ARL13B: variants seen among roughly 807,000 people sequenced by gnomAD.
ARL13B encodes the protein ARF like GTPase 13B, also known as ADP-ribosylation factor-like protein 13B.
ARL13B carries 36 observed loss-of-function variants against 56.1 expected under a neutral mutation model. That is an observed-to-expected ratio of 0.64 (90% confidence interval 0.49 to 0.85). ARL13B has a LOEUF of 0.85. Among genes scored for constraint, ARL13B ranks in the 40% least tolerant of loss-of-function variants. The probability of loss-of-function intolerance (pLI) is 0.00; values close to 1 mark genes in which losing one functional copy is unlikely to be tolerated. For missense variants in ARL13B, 519 were observed against 507.1 expected (o/e 1.02, Z -0.23); for synonymous variants, 178 against 171.1 (o/e 1.04, Z -0.32).
intron 5 of ARL13B, among the ~76,000 whole-genome samples, chr3:94,038,357 C>CT (rs1423774534): frequency 6.6e-6 from 1 of 151,972 alleles, no homozygotes; most frequent in Non-Finnish European, 1.5e-5. Context: ...TCTTGGCTTC[C>CT]TAGGTTCATA....
intron 3 of ARL13B, among the ~76,000 whole-genome samples, chr3:94,005,723 A>G (rs2076122541): frequency 1.3e-5 from 2 of 152,216 alleles, no homozygotes; most frequent in South Asian, 4.1e-4. Flanking sequence ...TGGGATTTTT[A>G]CAATCAGAAT....
At chr3:94,019,246 G>A (rs2076398092) in intron 3 of ARL13B, among the ~76,000 whole-genome samples, 1 of 151,164 alleles carries the variant, frequency 6.6e-6, no homozygotes, top group African/African-American at 2.4e-5. Context: ...GCCTAGGCTG[G>A]AGTGCAGTGG....
chr3:94,007,346 T>C (rs180773010), intron 3 of ARL13B, among the ~76,000 whole-genome samples: 71 of 152,336 alleles, frequency 4.7e-4, no homozygotes, highest in Non-Finnish European at 1.3e-4. Flanking sequence ...AATCTTTAGT[T>C]CTTCTCTACT....
intron 3 of ARL13B, among the ~76,000 whole-genome samples, chr3:94,010,902 C>A (rs1375135992): frequency 6.6e-6 from 1 of 151,950 alleles, no homozygotes; most frequent in Non-Finnish European, 1.5e-5. Context: ...GTAACAATTA[C>A]AAACAGGTAT....
chr3:94,004,873 C>T (rs2076108033), intron 3 of ARL13B, among the ~76,000 whole-genome samples: 1 of 151,906 alleles, frequency 6.6e-6, no homozygotes, highest in South Asian at 2.1e-4. Flanking sequence ...TAAAGGAGAA[C>T]TTTTAACAGG....
intron 3 of ARL13B, among the ~76,000 whole-genome samples, chr3:94,025,338 T>C (rs1399506007): frequency 2.0e-5 from 3 of 152,218 alleles, no homozygotes; most frequent in Admixed American, 2.0e-4. Context: ...TTCCTTTCAG[T>C]GTTATACATC....
At chr3:94,011,639 A>G (rs562346831) in intron 3 of ARL13B, among the ~76,000 whole-genome samples, 1 of 152,182 alleles carries the variant, frequency 6.6e-6, no homozygotes, top group African/African-American at 2.4e-5. Context: ...TTTGTGCTTC[A>G]TACTCCACTT....
chr3:94,049,594 A>C (rs1454791783), intron 8 of ARL13B, 72 bp downstream of exon 8: 36 of 1,129,742 alleles, frequency 3.2e-5, no homozygotes, highest in South Asian at 1.1e-4. Context: ...AAAAGAAAAA[A>C]GGAATCTTGT....
At chr3:94,016,594 T>C (rs2076337724) in intron 3 of ARL13B, among the ~76,000 whole-genome samples, 1 of 152,092 alleles carries the variant, frequency 6.6e-6, no homozygotes, top group South Asian at 2.1e-4. Flanking sequence ...TAGAAGACCC[T>C]TGGGTTCACA....
At chr3:94,049,280 T>C in intron 7 of ARL13B, 126 bp from the exon 8 acceptor site, 1 of 553,854 alleles carries the variant, frequency 1.8e-6, no homozygotes, top group East Asian at 3.0e-5. Context: ...TGTAACAATT[T>C]CCAAAGTTAA....
chr3:94,011,913 A>G (rs909565981), intron 3 of ARL13B, among the ~76,000 whole-genome samples: 3 of 152,184 alleles, frequency 2.0e-5, no homozygotes, highest in South Asian at 2.1e-4. Flanking sequence ...TTCTGTTTCT[A>G]TAATTCCTTG....
chr3:94,016,944 C>T (rs1370722762), intron 3 of ARL13B, among the ~76,000 whole-genome samples: 1 of 152,124 alleles, frequency 6.6e-6, no homozygotes, highest in Non-Finnish European at 1.5e-5. Flanking sequence ...CGCTCCCAGC[C>T]TAATTAAGCT....
intron 3 of ARL13B, among the ~76,000 whole-genome samples, chr3:94,029,343 T>TA (rs1482846849): frequency 3.9e-5 from 4 of 103,528 alleles, no homozygotes; most frequent in Non-Finnish European, 7.4e-5. Flanking sequence ...TATTTATTTT[T>TA]TTTTTATTTT....
intron 2 of ARL13B, among the ~76,000 whole-genome samples, chr3:94,001,908 G>A (rs946704326): frequency 6.6e-6 from 1 of 152,096 alleles, no homozygotes; most frequent in African/African-American, 2.4e-5. Flanking sequence ...CCTATTTCTG[G>A]AAAATCATTC....
chr3:94,050,191 G>C (rs1469938224), intron 8 of ARL13B, among the ~76,000 whole-genome samples: 1 of 150,500 alleles, frequency 6.6e-6, no homozygotes, highest in African/African-American at 2.4e-5. Flanking sequence ...AAAAAAATTG[G>C]ACCTTTCATC....
chr3:93,999,917 T>C (rs2076025956), intron 2 of ARL13B, among the ~76,000 whole-genome samples: 1 of 152,204 alleles, frequency 6.6e-6, no homozygotes, highest in African/African-American at 2.4e-5. Context: ...TAGTCCTCAA[T>C]TCTTTGTTCT....
chr3:94,044,605 C>T (rs372123919), intron 7 of ARL13B, among the ~76,000 whole-genome samples: 6 of 140,256 alleles, frequency 4.3e-5, no homozygotes, highest in South Asian at 2.4e-4. Context: ...CGTCTCTGCC[C>T]GGCCGCCACC....
At chr3:94,023,236 A>G (rs2076486958) in intron 3 of ARL13B, among the ~76,000 whole-genome samples, 1 of 152,134 alleles carries the variant, frequency 6.6e-6, no homozygotes, top group African/African-American at 2.4e-5. Context: ...TGGAAATTAT[A>G]TTCCCTCAAA....
At chr3:94,048,538 T>C (rs1004415401) in intron 7 of ARL13B, among the ~76,000 whole-genome samples, 1 of 152,172 alleles carries the variant, frequency 6.6e-6, no homozygotes, top group African/African-American at 2.4e-5. Context: ...CGTGTTTGTA[T>C]TGTATTGGGC....
Sources: allele counts gnomAD v4.1 joint callset (sites outside exome capture counted in the v4.1 genomes callset), GRCh38; gene constraint gnomAD v4.1.1; transcripts MANE v1.5; gene names NCBI Gene and HGNC (gene_info 2026-07-23, HGNC 2026-07-21).